The following GMCL1 variants were observed in gnomAD, a reference collection of about 807,000 sequenced individuals.
The protein encoded by GMCL1 is germ cell-less protein-like 1.
GMCL1 carries 54 observed loss-of-function variants against 75.5 expected under a neutral mutation model. That is an observed-to-expected ratio of 0.71 (90% CI 0.57 to 0.90). GMCL1 has a LOEUF of 0.90. Ranked by LOEUF, GMCL1 falls within the 40% of genes least tolerant of loss-of-function variation. GMCL1 has a pLI of 0.00. For missense variants in GMCL1, 537 were observed against 622.7 expected, an observed-to-expected ratio of 0.86 and a Z score of 1.47; for synonymous variants, 210 against 209.6, an observed-to-expected ratio of 1.00 and a Z score of -0.02.
intron 12 of GMCL1, among the ~76,000 whole-genome samples, chr2:69,870,672 AAACTC>A (rs1240444532): frequency 6.6e-6 from 1 of 152,206 alleles, no homozygotes; most frequent in African/African-American, 2.4e-5. Flanking sequence ...TTTAAAAAGA[AAACTC>A]AACTCAGCTC....
In GMCL1 at chr2:69,838,912, T is replaced by A. The variant is rs947718747; in HGVS notation, c.385-545T>A. ...CATACTAAGTACTCAGTAACATTTTTAAATAAATTAGTTAATATTTGATCC... is the reference window on the plus strand; with the variant it reads ...CATACTAAGTACTCAGTAACATTTTAAAATAAATTAGTTAATATTTGATCC... On this transcript the variant is annotated intron_variant, in intron 2 of 13. Coordinates refer to ENST00000282570, the MANE Select transcript of GMCL1 (RefSeq NM_178439.5). Among the ~76,000 whole-genome samples the A allele has an allele frequency of 5.9e-5, 9 of 152,226 alleles. 1 individual carries two copies. Among genetic ancestry groups the A allele is most frequent in the Admixed American group, 5.2e-4 (8 of 15,288 alleles).
chr2:69,875,507 T>C (rs1676106016), intron 13 of GMCL1, among the ~76,000 whole-genome samples: 1 of 152,156 alleles, frequency 6.6e-6, no homozygotes, highest in African/African-American at 2.4e-5. Flanking sequence ...CTTGCAAAAA[T>C]TCCTATGGGG....
intron 6 of GMCL1, among the ~76,000 whole-genome samples, chr2:69,845,260 G>C (rs779979181): frequency 3.9e-5 from 6 of 152,238 alleles, no homozygotes; most frequent in Non-Finnish European, 8.8e-5. Flanking sequence ...AGAGCCAGAG[G>C]TCCTGGAGAT....
intron 10 of GMCL1, 101 bp downstream of exon 10, chr2:69,861,448 A>C (rs1049353306): frequency 3.1e-6 from 2 of 638,446 alleles, no homozygotes; most frequent in African/African-American, 1.9e-5. Context: ...TTGAAAACTC[A>C]AGCTGTTGAA....
intron 10 of GMCL1, 118 bp downstream of exon 10, chr2:69,861,465 A>G: frequency 1.8e-6 from 1 of 567,252 alleles, no homozygotes; most frequent in East Asian, 3.0e-5. Context: ...TGAAGTAAAG[A>G]TCATATAATC....
intron 9 of GMCL1, among the ~76,000 whole-genome samples, chr2:69,860,874 GCT>G (rs1675619681): frequency 6.6e-6 from 1 of 151,992 alleles, no homozygotes; most frequent in African/African-American, 2.4e-5. Flanking sequence ...ACAGAGTCTT[GCT>G]CTGTCACACA....
At chr2:69,878,750 A>G (rs992226268) in intron 13 of GMCL1, among the ~76,000 whole-genome samples, 159 bp from the exon 14 acceptor site, 2 of 152,342 alleles carry the variant, frequency 1.3e-5, no homozygotes, top group South Asian at 4.1e-4. Flanking sequence ...AGGAAGCTGC[A>G]TTTGACAAGG....
intron 7 of GMCL1, among the ~76,000 whole-genome samples, chr2:69,848,030 G>A (rs551452665): frequency 2.6e-5 from 4 of 152,222 alleles, no homozygotes; most frequent in South Asian, 4.1e-4. Flanking sequence ...GCCTGTTTGT[G>A]TGTCTGGCAT....
Position 69,830,065 on chromosome 2 carries a change from CCTT to C in GMCL1, c.176_178del (p.Phe59del). On this transcript the variant is annotated inframe_deletion, in exon 1 of 14. Coordinates refer to ENST00000282570, the MANE Select transcript of GMCL1 (RefSeq NM_178439.5). Reference sequence around the variant, plus strand: ...CACAAGCGCAAGCGGAGCAGCGGGTCCTTCTGCTACTGTCACCCTGACTCGGAG... The same window carrying C: ...CACAAGCGCAAGCGGAGCAGCGGGTCCTGCTACTGTCACCCTGACTCGGAG... 6.4e-7 allele frequency: 1 copy of C among 1,571,484 alleles called. No homozygotes were observed. The highest frequency in any genetic ancestry group is 8.6e-7 in the Non-Finnish European group (1 of 1,157,786).
chr2:69,837,405 C>G (rs1674849625), intron 1 of GMCL1, 142 bp from the exon 2 acceptor site: 2 of 676,442 alleles, frequency 3.0e-6, no homozygotes, highest in African/African-American at 1.9e-5. Flanking sequence ...TGAATATATA[C>G]TATCTCCCTA....
chr2:69,832,944 A>C (rs998024232), intron 1 of GMCL1, among the ~76,000 whole-genome samples: 1 of 152,252 alleles, frequency 6.6e-6, no homozygotes, highest in African/African-American at 2.4e-5. Context: ...TAGCCACAGA[A>C]GGAACAAATT....
intron 13 of GMCL1, 103 bp downstream of exon 13, chr2:69,871,935 C>A: frequency 4.0e-6 from 3 of 745,476 alleles, no homozygotes; most frequent in Non-Finnish European, 6.5e-6. Flanking sequence ...GGCATTTTGA[C>A]CTAAAAGTTG....
chr2:69,835,308 C>G (rs1056764550), intron 1 of GMCL1, among the ~76,000 whole-genome samples: 1 of 152,028 alleles, frequency 6.6e-6, no homozygotes, highest in African/African-American at 2.4e-5. Context: ...TCTGAGTGAT[C>G]CTTTATCATA....
At position 69,879,196 on chromosome 2, in the gene GMCL1, T is replaced by A. The variant is rs537458773; in HGVS notation, c.*192T>A. ...AAGATTATTCTTATCCTCATTGCAT[T>A]TCTATGCATATGCGTAAGAACATTT... On this transcript the variant is annotated 3_prime_UTR_variant, in exon 14 of 14. Transcript: ENST00000282570. The A allele has an allele frequency of 2.2e-6, 1 of 452,878 alleles. No homozygotes were observed. Among genetic ancestry groups the A allele is most frequent in the African/African-American group, 2.0e-5 (1 of 49,514 alleles). The allele number at this position is 452,878 out of a possible 1,614,324, so 28.1% of individuals were successfully genotyped here.
Position 69,871,816 on chromosome 2 carries a change from C to G in GMCL1, c.1436C>G (p.Thr479Arg), listed in dbSNP as rs1216721579. 1.3e-6 allele frequency: 2 copies of G among 1,582,034 alleles called. No homozygotes were observed. ...CSRTTGYQIL[T>R]LEKDQEQVVM... The stretch of plus-strand genomic sequence containing the variant: ...AGAACAACTGGCTATCAAATACTTA[C>G]ACTTGAAAAGGATCAGGTATGTTCG... Residue 479 changes from threonine (T) to arginine (R), a missense_variant, in exon 13 of 14, where the codon ACA becomes AGA. Around this residue, in one of 3 missense-constraint regions of GMCL1, gnomAD observed 345 missense variants for 410.5 expected, o/e 0.84. Coordinates refer to ENST00000282570, the MANE Select transcript of GMCL1 (RefSeq NM_178439.5).
chr2:69,846,016 T>C (rs1005256496), intron 6 of GMCL1, among the ~76,000 whole-genome samples: 2 of 151,828 alleles, frequency 1.3e-5, no homozygotes, highest in Non-Finnish European at 2.9e-5. Context: ...TATGTTTAAA[T>C]ACATTATGGA....
In GMCL1 at chr2:69,849,611, A is replaced by G. The variant is rs754987535; in HGVS notation, c.844-41A>G. On this transcript the variant is annotated intron_variant, in intron 7 of 13. Coordinates refer to ENST00000282570, the MANE Select transcript of GMCL1 (RefSeq NM_178439.5). ...AAAATGTAAAATCATAAAATGATGAAATTTCATAATTGTTTTCTTATTTAA... is the reference window on the plus strand; with the variant it reads ...AAAATGTAAAATCATAAAATGATGAGATTTCATAATTGTTTTCTTATTTAA... 8.1e-6 allele frequency: 10 copies of G among 1,241,652 alleles called. No homozygotes were observed. The East Asian group carries it at 2.3e-4, about 28-fold the overall frequency. The allele number at this position is 1,241,652 out of a possible 1,614,324, so 76.9% of individuals were successfully genotyped here. A position where few individuals can be genotyped will look rare whatever the true frequency, so the allele number is the denominator to read the frequency against.
At chr2:69,872,104 C>T (rs1675998962) in intron 13 of GMCL1, among the ~76,000 whole-genome samples, 1 of 152,154 alleles carries the variant, frequency 6.6e-6, no homozygotes, top group Admixed American at 6.5e-5. Context: ...TCCTGAATAT[C>T]AGCAGCACTA....
intron 4 of GMCL1, 101 bp downstream of exon 4, chr2:69,841,140 T>C (rs1674973610): frequency 1.4e-6 from 1 of 735,464 alleles, no homozygotes; most frequent in Non-Finnish European, 2.2e-6. Context: ...TTTGGAGTTT[T>C]TAAATAAAAA....
Sources: allele counts gnomAD v4.1 joint callset (sites outside exome capture counted in the v4.1 genomes callset), GRCh38; gene constraint gnomAD v4.1.1; regional missense constraint gnomAD v4.1.1; transcripts MANE v1.5; gene names NCBI Gene and HGNC (gene_info 2026-07-23, HGNC 2026-07-21).